Variants in TUSC3 observed in about 807,000 individuals in gnomAD.
TUSC3 encodes the protein tumor suppressor candidate 3.
Under a neutral mutation model 44.8 loss-of-function variants are expected in TUSC3, and 45 were observed. That is an observed-to-expected ratio of 1.00 (90% CI 0.79 to 1.29). The LOEUF is 1.29. Ranked by LOEUF, TUSC3 falls within the 50% of genes most tolerant of loss-of-function variation. The pLI, the probability that TUSC3 is intolerant of heterozygous loss-of-function variation, is 0.00. For synonymous variants in TUSC3, 212 were observed against 152.9 expected (o/e 1.39, Z -2.85); for missense variants, 519 against 437.9 (o/e 1.19, Z -1.65).
intron 6 of TUSC3, among the ~76,000 whole-genome samples, chr8:15,709,055 G>A (rs1207370248): frequency 1.3e-5 from 2 of 151,840 alleles, no homozygotes; most frequent in African/African-American, 2.4e-5. Flanking sequence ...TGATCATTAA[G>A]CTTGGAAGGC....
Position 15,683,326 on chromosome 8 carries a change from C to T in TUSC3, c.798+9490C>T, listed in dbSNP as rs1808499282. Among the ~76,000 whole-genome samples the T allele has an allele frequency of 2.0e-5, 3 of 152,156 alleles. No homozygotes were observed. The South Asian group carries it at 6.2e-4, about 32-fold the overall frequency. Reference sequence around the variant, plus strand: ...TACACAATCTCTTATTTCTCAGAGGCTTTGTTCATTTCTTAAAATTATTTT... The same window carrying T: ...TACACAATCTCTTATTTCTCAGAGGTTTTGTTCATTTCTTAAAATTATTTT... On this transcript the variant is annotated intron_variant, in intron 6 of 10. Transcript: ENST00000503731.
At chr8:15,671,125 G>C (rs543650114) in intron 5 of TUSC3, among the ~76,000 whole-genome samples, 21 of 151,866 alleles carry the variant, frequency 1.4e-4, no homozygotes, top group Non-Finnish European at 2.8e-4. Context: ...AAATGTGTTT[G>C]GTTTTATCTG....
intron 2 of TUSC3, among the ~76,000 whole-genome samples, chr8:15,630,266 A>G (rs1328586001): frequency 6.6e-6 from 1 of 152,164 alleles, no homozygotes; most frequent in African/African-American, 2.4e-5. Flanking sequence ...TGTGTTGGAG[A>G]TTAATATATA....
chr8:15,790,529 G>A, the TUSC3 span, among the ~76,000 whole-genome samples: 13 of 152,006 alleles, frequency 8.6e-5, no homozygotes, highest in Admixed American at 8.5e-4. Context: ...GGAGTGTCTT[G>A]TACTAATGGG....
intron 2 of TUSC3, among the ~76,000 whole-genome samples, chr8:15,511,687 T>C (rs547710679): frequency 3.9e-5 from 6 of 152,054 alleles, no homozygotes; most frequent in Admixed American, 2.0e-4. Flanking sequence ...CTGGCCAATA[T>C]GGTAAAACCC....
In TUSC3 at chr8:15,678,281, A is replaced by T. The variant is rs970217046; in HGVS notation, c.798+4445A>T. 2.0e-5 allele frequency among the ~76,000 whole-genome samples: 3 copies of T among 152,212 alleles called. No homozygotes were observed. In the East Asian group the frequency reaches 5.8e-4, roughly 29 times the overall value. ...TCAAAGAAAGCCATCTAGTCAAAGA[A>T]ATGCAGGTGCTGGTGGTGGAAGTCA... On this transcript the variant is annotated intron_variant, in intron 6 of 10. Coordinates refer to ENST00000503731, the MANE Select transcript of TUSC3 (RefSeq NM_006765.4).
intron 2 of TUSC3, among the ~76,000 whole-genome samples, chr8:15,496,079 T>C (rs1800876725): frequency 6.6e-6 from 1 of 152,164 alleles, no homozygotes; most frequent in South Asian, 2.1e-4. Context: ...AGACTCAACT[T>C]TGTCCTGTAG....
At chr8:15,511,610 C>T (rs1417136353) in intron 2 of TUSC3, among the ~76,000 whole-genome samples, 1 of 152,172 alleles carries the variant, frequency 6.6e-6, no homozygotes, top group Non-Finnish European at 1.5e-5. Flanking sequence ...TAGCTCACGC[C>T]TGTAATTCCA....
chr8:15,668,035 T>A (rs1464325760), intron 5 of TUSC3, among the ~76,000 whole-genome samples: 1 of 151,722 alleles, frequency 6.6e-6, no homozygotes, highest in Non-Finnish European at 1.5e-5. Flanking sequence ...GTGGTTATGT[T>A]CAGTTGTGTT....
At chr8:15,618,895 A>G (rs1322653865) in intron 1 of TUSC3, among the ~76,000 whole-genome samples, 1 of 152,106 alleles carries the variant, frequency 6.6e-6, no homozygotes, top group African/African-American at 2.4e-5. Context: ...TTTCAGCCCC[A>G]TTATAATCTT....
chr8:15,569,058 T>C (rs577739534), intron 1 of TUSC3, among the ~76,000 whole-genome samples: 31 of 152,276 alleles, frequency 2.0e-4, no homozygotes, highest in South Asian at 1.7e-3. Context: ...CGGCTTGTTA[T>C]ATATTAAATG....
intron 2 of TUSC3, among the ~76,000 whole-genome samples, chr8:15,493,307 C>A (rs548341125): frequency 6.6e-6 from 1 of 152,032 alleles, no homozygotes; most frequent in Admixed American, 6.6e-5. Context: ...GTTGCCCAGG[C>A]TAGAGTGCAG....
At chr8:15,705,671 G>C (rs2129197355) in intron 6 of TUSC3, among the ~76,000 whole-genome samples, 1 of 152,112 alleles carries the variant, frequency 6.6e-6, no homozygotes, top group Admixed American at 6.6e-5. Flanking sequence ...GAAGAAAGAA[G>C]GTCTTTGTGC....
At chr8:15,567,095 A>C in intron 1 of TUSC3, among the ~76,000 whole-genome samples, 1 of 152,160 alleles carries the variant, frequency 6.6e-6, no homozygotes, top group East Asian at 1.9e-4. Flanking sequence ...TTAAGCCACC[A>C]TATCTTTCTG....
At chr8:15,697,559 C>A (rs1292263693) in intron 6 of TUSC3, among the ~76,000 whole-genome samples, 1 of 152,162 alleles carries the variant, frequency 6.6e-6, no homozygotes, top group Admixed American at 6.5e-5. Flanking sequence ...AATATCTTGA[C>A]CACAGAATCA....
chr8:15,480,475 C>G (rs1800643170), intron 1 of TUSC3, among the ~76,000 whole-genome samples: 1 of 152,194 alleles, frequency 6.6e-6, no homozygotes, highest in Non-Finnish European at 1.5e-5. Context: ...GGCCAGAAGT[C>G]CTACATCAAG....
intron 1 of TUSC3, among the ~76,000 whole-genome samples, chr8:15,437,799 A>C (rs1316344279): frequency 2.0e-5 from 3 of 152,156 alleles, no homozygotes; most frequent in Non-Finnish European, 4.4e-5. Flanking sequence ...ATTTTCTCCT[A>C]CAGTCATGCC....
chr8:15,516,741 ACTC>A (rs1215657206), intron 2 of TUSC3, among the ~76,000 whole-genome samples: 1 of 152,040 alleles, frequency 6.6e-6, no homozygotes, highest in Non-Finnish European at 1.5e-5. Flanking sequence ...GTCATTTACT[ACTC>A]CTGTAATGTT....
chr8:15,732,713 G>A (rs1810775570), intron 7 of TUSC3, among the ~76,000 whole-genome samples: 1 of 152,082 alleles, frequency 6.6e-6, no homozygotes, highest in Admixed American at 6.5e-5. Context: ...TGTTTTTCAA[G>A]CTTTAATGAA....
Sources: allele counts gnomAD v4.1 joint callset (sites outside exome capture counted in the v4.1 genomes callset), GRCh38; gene constraint gnomAD v4.1.1; transcripts MANE v1.5; gene names NCBI Gene and HGNC (gene_info 2026-07-23, HGNC 2026-07-21).